SAMD12: variants seen among roughly 807,000 people sequenced by gnomAD.
SAMD12 encodes sterile alpha motif domain containing 12.
A neutral mutation model predicts 15.0 loss-of-function variants in SAMD12; 9 were observed. That is an observed-to-expected ratio of 0.60 (90% CI 0.36 to 1.05). The LOEUF (loss-of-function observed/expected upper bound fraction) is 1.05. Among genes scored for constraint, SAMD12 ranks in the 50% least tolerant of loss-of-function variants. SAMD12 has a pLI of 0.01. For synonymous variants in SAMD12, 86 were observed against 90.1 expected, an observed-to-expected ratio of 0.96 and a Z score of 0.25; for missense variants, 230 against 234.2, an observed-to-expected ratio of 0.98 and a Z score of 0.12.
chr8:118,292,161 G>A lies in SAMD12; in HGVS notation c.433+87399C>T, dbSNP rs557459168. ...AGGAAAGGGCAGGAGGGGGTAGGGG[G>A]CGAGGGATAAAAGACTGCAAATACG... is the stretch of plus-strand genomic sequence containing the variant. On this transcript the variant is annotated intron_variant, in intron 4 of 4. Coordinates refer to the SAMD12 transcript ENST00000409003. Among the ~76,000 whole-genome samples, 4 of 151,468 alleles carry A rather than the reference G, an allele frequency of 2.6e-5. No homozygotes were observed. In the South Asian group the frequency reaches 8.4e-4, roughly 32 times the overall value.
At chr8:118,481,899 T>TA (rs1399694564) in intron 2 of SAMD12, among the ~76,000 whole-genome samples, 2 of 152,206 alleles carry the variant, frequency 1.3e-5, no homozygotes, top group Non-Finnish European at 2.9e-5. Context: ...CAGAAGCACT[T>TA]ACTCTGAGTC....
chr8:118,218,364 C>T (rs1812010454), intron 4 of SAMD12, among the ~76,000 whole-genome samples: 1 of 152,058 alleles, frequency 6.6e-6, no homozygotes, highest in Non-Finnish European at 1.5e-5. Context: ...TATCCATCAC[C>T]TTACACATTT....
chr8:118,190,600 C>T (rs2129724623), exon 5 of SAMD12: 1 of 152,180 alleles, frequency 6.6e-6, no homozygotes, highest in South Asian at 2.1e-4. Flanking sequence ...AGAATGGAGG[C>T]TCAGAAATAA....
chr8:118,591,880 T>C (rs1827592624), intron 1 of SAMD12, among the ~76,000 whole-genome samples: 1 of 151,938 alleles, frequency 6.6e-6, no homozygotes, highest in Admixed American at 6.6e-5. Context: ...CATATGACAG[T>C]TGGGTATTTT....
At chr8:118,602,897 G>T (rs1827894489) in intron 1 of SAMD12, among the ~76,000 whole-genome samples, 1 of 151,950 alleles carries the variant, frequency 6.6e-6, no homozygotes, top group Non-Finnish European at 1.5e-5. Flanking sequence ...CAATTAGGAA[G>T]AAAGAACTAT....
At chr8:118,248,197 C>A (rs759899052) in intron 4 of SAMD12, among the ~76,000 whole-genome samples, 34 of 152,130 alleles carry the variant, frequency 2.2e-4, no homozygotes, top group Non-Finnish European at 3.5e-4. Flanking sequence ...GCTTTGCTTA[C>A]CCCAAATATA....
At chr8:118,309,518 T>A (rs1815530401) in intron 4 of SAMD12, among the ~76,000 whole-genome samples, 1 of 152,164 alleles carries the variant, frequency 6.6e-6, no homozygotes, top group South Asian at 2.1e-4. Context: ...TGTGCAAGTA[T>A]CTTTTTCATA....
At chr8:118,309,380 A>ATGTGTGTGTG (rs35576833) in intron 4 of SAMD12, among the ~76,000 whole-genome samples, 9,520 of 143,814 alleles carry the variant, frequency 0.066, 409 homozygotes, top group Non-Finnish European at 0.094. Flanking sequence ...TGAGATATAT[A>ATGTGTGTGTG]TGTGTGTGTG....
chr8:118,578,179 A>C (rs1326214657), intron 2 of SAMD12, among the ~76,000 whole-genome samples: 1 of 152,130 alleles, frequency 6.6e-6, no homozygotes, highest in African/African-American at 2.4e-5. Flanking sequence ...ATATTATCAC[A>C]TACATTTTCC....
the SAMD12 span, among the ~76,000 whole-genome samples, chr8:118,174,966 G>A: frequency 5.9e-5 from 9 of 151,272 alleles, no homozygotes; most frequent in African/African-American, 2.2e-4. Context: ...CCAAAGAACA[G>A]GATCTTTACC....
intron 3 of SAMD12, among the ~76,000 whole-genome samples, chr8:118,420,871 A>G (rs1174201926): frequency 6.6e-6 from 1 of 152,070 alleles, no homozygotes; most frequent in Non-Finnish European, 1.5e-5. Context: ...GCAAACTACG[A>G]CCCTCTGAGC....
chr8:118,225,235 C>A (rs555307104), intron 4 of SAMD12, among the ~76,000 whole-genome samples: 51 of 152,266 alleles, frequency 3.3e-4, no homozygotes, highest in Non-Finnish European at 5.6e-4. Context: ...AAACTATGCC[C>A]CATTCATTCA....
chr8:118,170,629 G>A, the SAMD12 span, among the ~76,000 whole-genome samples: 4 of 152,100 alleles, frequency 2.6e-5, no homozygotes, highest in Non-Finnish European at 5.9e-5. Context: ...ACATCTATTT[G>A]CAAAACAATA....
chr8:118,521,585 A>G (rs1563907549), intron 2 of SAMD12, among the ~76,000 whole-genome samples: 2 of 152,218 alleles, frequency 1.3e-5, no homozygotes, highest in African/African-American at 4.8e-5. Context: ...ACTCGCAGAT[A>G]TGCACATGTA....
Position 118,439,863 on chromosome 8 carries a change from G to T in SAMD12, c.291C>A (p.Tyr97Ter). Reference protein sequence around the residue: ...KKHCPNQYQIYSESFKQHDIT... With the variant: ...KKHCPNQYQI ...TGTCATGCTGTTTGAATGACTCACTGTAGATCTGATACTGATTCGGACAAT... is the reference window on the plus strand; with the variant it reads ...TGTCATGCTGTTTGAATGACTCACTTTAGATCTGATACTGATTCGGACAAT... Residue 97 changes from tyrosine (Y) to a stop codon, truncating the protein, a stop_gained, in exon 3 of 4, where the codon TAC becomes TAA. Transcript: ENST00000314727. LOFTEE classifies it low-confidence loss of function (END_TRUNC). 6.2e-7 allele frequency: 1 copy of T among 1,613,458 alleles called. No homozygotes were observed. Among genetic ancestry groups the T allele is most frequent in the Non-Finnish European group, 8.5e-7 (1 of 1,179,424 alleles).
the SAMD12 span, among the ~76,000 whole-genome samples, chr8:118,150,059 T>G: frequency 6.6e-6 from 1 of 152,204 alleles, no homozygotes; most frequent in African/African-American, 2.4e-5. Context: ...TGAAGACATT[T>G]TTTATTGTTA....
chr8:118,132,960 A>ATGTGTGTG, the SAMD12 span, among the ~76,000 whole-genome samples: 40 of 80,872 alleles, frequency 4.9e-4, no homozygotes, highest in African/African-American at 2.3e-3. Flanking sequence ...TAGCTAACAT[A>ATGTGTGTG]TGTGTGTGTG....
At chr8:118,534,767 T>C (rs1825791722) in intron 2 of SAMD12, among the ~76,000 whole-genome samples, 1 of 152,176 alleles carries the variant, frequency 6.6e-6, no homozygotes, top group Admixed American at 6.5e-5. Context: ...CACCATGTAG[T>C]TCTCGTGCCA....
chr8:118,441,167 T>C (rs1307373445), intron 2 of SAMD12, among the ~76,000 whole-genome samples: 1 of 152,032 alleles, frequency 6.6e-6, no homozygotes, highest in Non-Finnish European at 1.5e-5. Flanking sequence ...CTCAGAATCT[T>C]AAAAAAAGGT....
Sources: allele counts gnomAD v4.1 joint callset (sites outside exome capture counted in the v4.1 genomes callset), GRCh38; gene constraint gnomAD v4.1.1; transcripts MANE v1.5; gene names NCBI Gene and HGNC (gene_info 2026-07-23, HGNC 2026-07-21).